Variants in ZNF385B observed in about 807,000 individuals in gnomAD.
The protein encoded by ZNF385B is zinc finger protein 385B, also known as zinc finger protein 533.
Under a neutral mutation model 39.2 loss-of-function variants are expected in ZNF385B, and 23 were observed. That is an observed-to-expected ratio of 0.59 (90% CI 0.42 to 0.83). The LOEUF (loss-of-function observed/expected upper bound fraction) is 0.83. ZNF385B is among the 40% of genes least tolerant of loss of function. ZNF385B has a pLI of 0.00. For missense variants in ZNF385B, 552 were observed against 598.9 expected (o/e 0.92, Z 0.82); for synonymous variants, 205 against 222.6 (o/e 0.92, Z 0.70).
intron 3 of ZNF385B, among the ~76,000 whole-genome samples, chr2:179,630,780 T>C (rs1049292315): frequency 5.3e-5 from 8 of 152,254 alleles, no homozygotes; most frequent in Admixed American, 4.6e-4. Flanking sequence ...GAAAAAAGAT[T>C]AGAGGAATGG....
chr2:179,467,569 T>C (rs745579462), intron 6 of ZNF385B, among the ~76,000 whole-genome samples: 2 of 152,136 alleles, frequency 1.3e-5, no homozygotes, highest in South Asian at 2.1e-4. Flanking sequence ...ATATTACACA[T>C]TGGGTCAATC....
intron 3 of ZNF385B, among the ~76,000 whole-genome samples, chr2:179,678,668 T>G (rs922541634): frequency 1.3e-5 from 2 of 152,186 alleles, no homozygotes; most frequent in African/African-American, 4.8e-5. Context: ...CCATTGTTAT[T>G]TTGGGTTTTC....
At chr2:179,737,488 C>T (rs1247617187) in intron 3 of ZNF385B, among the ~76,000 whole-genome samples, 1 of 151,938 alleles carries the variant, frequency 6.6e-6, no homozygotes, top group Non-Finnish European at 1.5e-5. Flanking sequence ...TCCTGTAATC[C>T]GGCTCCATAT....
intron 1 of ZNF385B, among the ~76,000 whole-genome samples, chr2:179,789,201 C>T (rs1422083501): frequency 6.6e-6 from 1 of 151,934 alleles, no homozygotes; most frequent in East Asian, 1.9e-4. Flanking sequence ...TACTTGTTGC[C>T]CCTAAGTGTA....
chr2:179,728,272 C>T (rs1164781516), intron 3 of ZNF385B, among the ~76,000 whole-genome samples: 1 of 152,084 alleles, frequency 6.6e-6, no homozygotes, highest in Non-Finnish European at 1.5e-5. Context: ...GTGAGTGCAG[C>T]CGAACTTCAA....
At chr2:179,541,222 C>A (rs1375054747) in intron 4 of ZNF385B, among the ~76,000 whole-genome samples, 1 of 152,158 alleles carries the variant, frequency 6.6e-6, no homozygotes. Flanking sequence ...CTTATTTTTA[C>A]ATACATATGC....
chr2:179,742,326 A>C (rs1559151414), intron 3 of ZNF385B, among the ~76,000 whole-genome samples: 1 of 151,986 alleles, frequency 6.6e-6, no homozygotes, highest in African/African-American at 2.4e-5. Flanking sequence ...GCACTGGTAA[A>C]ACCAATTTTC....
chr2:179,808,374 C>G (rs1376667236), intron 1 of ZNF385B, among the ~76,000 whole-genome samples: 1 of 152,122 alleles, frequency 6.6e-6, no homozygotes. Flanking sequence ...AAAGTGCACA[C>G]TCAAGAATGG....
chr2:179,790,112 G>A (rs1280734638), intron 1 of ZNF385B, among the ~76,000 whole-genome samples: 1 of 152,168 alleles, frequency 6.6e-6, no homozygotes, highest in Non-Finnish European at 1.5e-5. Flanking sequence ...CTGGTTATAA[G>A]CAGAACAAGT....
chr2:179,697,964 T>C (rs1310415651), intron 3 of ZNF385B, among the ~76,000 whole-genome samples: 2 of 152,184 alleles, frequency 1.3e-5, no homozygotes, highest in African/African-American at 4.8e-5. Flanking sequence ...CACCGCATGT[T>C]CTCACTCATA....
intron 3 of ZNF385B, among the ~76,000 whole-genome samples, chr2:179,637,772 C>CA (rs1200733532): frequency 6.6e-6 from 1 of 152,156 alleles, no homozygotes; most frequent in African/African-American, 2.4e-5. Context: ...ATCCCAGAGA[C>CA]AGATTGTTAA....
chr2:179,808,333 A>G (rs1324062016), intron 1 of ZNF385B, among the ~76,000 whole-genome samples: 1 of 152,178 alleles, frequency 6.6e-6, no homozygotes, highest in East Asian at 1.9e-4. Flanking sequence ...CACCCGGCCT[A>G]TAATTTTTAT....
chr2:179,817,061 T>C (rs1458171108), intron 1 of ZNF385B, among the ~76,000 whole-genome samples: 4 of 152,082 alleles, frequency 2.6e-5, no homozygotes, highest in African/African-American at 9.7e-5. Flanking sequence ...CTGTTGAAAA[T>C]CGAAGAAGGA....
chr2:179,781,213 T>A (rs891205301), intron 1 of ZNF385B, among the ~76,000 whole-genome samples: 3 of 152,184 alleles, frequency 2.0e-5, no homozygotes, highest in Non-Finnish European at 4.4e-5. Context: ...ACAATGAAGA[T>A]GCAGGACTTA....
intron 1 of ZNF385B, among the ~76,000 whole-genome samples, chr2:179,848,645 T>C (rs1236707492): frequency 1.3e-5 from 2 of 152,216 alleles, no homozygotes; most frequent in African/African-American, 4.8e-5. Context: ...TTCCAGAGTC[T>C]CCTCAGTAAC....
intron 3 of ZNF385B, among the ~76,000 whole-genome samples, chr2:179,640,943 T>C (rs1048012134): frequency 1.3e-5 from 2 of 152,194 alleles, no homozygotes; most frequent in African/African-American, 4.8e-5. Context: ...GTTTCAAAGT[T>C]ATGAATGTAC....
At chr2:179,848,306 A>G (rs1484872433) in intron 1 of ZNF385B, among the ~76,000 whole-genome samples, 1 of 152,212 alleles carries the variant, frequency 6.6e-6, no homozygotes, top group Non-Finnish European at 1.5e-5. Context: ...TAAGAAAATC[A>G]TATCTTGTAA....
chr2:179,792,007 C>T (rs2106540401), intron 1 of ZNF385B, among the ~76,000 whole-genome samples: 1 of 152,272 alleles, frequency 6.6e-6, no homozygotes, highest in South Asian at 2.1e-4. Flanking sequence ...AGTGACCCAC[C>T]TGCCTTGGCC....
intron 4 of ZNF385B, among the ~76,000 whole-genome samples, chr2:179,530,964 G>A (rs1320290464): frequency 6.6e-6 from 1 of 151,966 alleles, no homozygotes; most frequent in Non-Finnish European, 1.5e-5. Context: ...AATTGTTTTC[G>A]TTTAAGCCCC....
Sources: allele counts gnomAD v4.1 joint callset (sites outside exome capture counted in the v4.1 genomes callset), GRCh38; gene constraint gnomAD v4.1.1; transcripts MANE v1.5; gene names NCBI Gene and HGNC (gene_info 2026-07-23, HGNC 2026-07-21).